The following SLC25A48 variants were observed in gnomAD, a reference collection of about 807,000 sequenced individuals.
SLC25A48 encodes solute carrier family 25 member 48, also known as CTC-321K16.1.
A neutral mutation model predicts 32.2 loss-of-function variants in SLC25A48; 29 were observed. That is an observed-to-expected ratio of 0.90 (90% CI 0.67 to 1.23). SLC25A48 has a LOEUF of 1.23. SLC25A48 is among the 50% of genes most tolerant of loss of function. SLC25A48 has a pLI of 0.00. For synonymous variants in SLC25A48, 164 were observed against 172.3 expected, an observed-to-expected ratio of 0.95 and a Z score of 0.38; for missense variants, 399 against 422.7, an observed-to-expected ratio of 0.94 and a Z score of 0.49.
At chr5:135,745,256 C>G (rs916765569) in intron 3 of SLC25A48, among the ~76,000 whole-genome samples, 2 of 152,246 alleles carry the variant, frequency 1.3e-5, no homozygotes, top group African/African-American at 4.8e-5. Flanking sequence ...AACAAAGGGA[C>G]AGGCTCTGGC....
chr5:135,814,067 C>G (rs543850274), intron 4 of SLC25A48, among the ~76,000 whole-genome samples: 1 of 152,302 alleles, frequency 6.6e-6, no homozygotes, highest in East Asian at 1.9e-4. Context: ...TATTTTCCCC[C>G]CATCATGGAA....
At chr5:135,837,444 G>T (rs186912295) in intron 1 of SLC25A48, among the ~76,000 whole-genome samples, 1 of 152,108 alleles carries the variant, frequency 6.6e-6, no homozygotes, top group Non-Finnish European at 1.5e-5. Flanking sequence ...CAGTGTTCTC[G>T]GGAATTTGTC....
chr5:135,833,725 A>G (rs1758296439), upstream of SLC25A48, among the ~76,000 whole-genome samples: 2 of 151,922 alleles, frequency 1.3e-5, no homozygotes, highest in Non-Finnish European at 2.9e-5. Context: ...CAGGGGAGGG[A>G]GTGATGCTGC....
intron 3 of SLC25A48, among the ~76,000 whole-genome samples, chr5:135,661,631 G>T (rs927774714): frequency 1.3e-5 from 2 of 152,152 alleles, no homozygotes; most frequent in African/African-American, 4.8e-5. Flanking sequence ...TTTTCTCAAG[G>T]AGTAACCACT....
At position 135,768,531 on chromosome 5, in the gene SLC25A48, T is replaced by C. The variant is rs576080267; in HGVS notation, c.-520-43992T>C. The stretch of plus-strand genomic sequence containing the variant: ...CTGGGGGAGGGGAGGATAATATTAC[T>C]CTTAATATCGCAGGGGGTATACACC... On this transcript the variant is annotated intron_variant, in intron 3 of 10. Coordinates refer to the SLC25A48 transcript ENST00000646290. Among the ~76,000 whole-genome samples the C allele has an allele frequency of 1.4e-4, 21 of 151,718 alleles. No individual in the cohort carries two copies. In the South Asian group the frequency reaches 4.4e-3, roughly 32 times the overall value.
chr5:135,752,401 A>G (rs1279446694), intron 3 of SLC25A48, among the ~76,000 whole-genome samples: 1 of 152,132 alleles, frequency 6.6e-6, no homozygotes, highest in African/African-American at 2.4e-5. Flanking sequence ...TGAAACCCCT[A>G]TCTCTACTAA....
intron 3 of SLC25A48, among the ~76,000 whole-genome samples, chr5:135,789,521 G>A (rs1245451455): frequency 6.6e-6 from 1 of 151,482 alleles, no homozygotes; most frequent in Admixed American, 6.6e-5. Context: ...ATATCCAGGA[G>A]GGGAGAGGGT....
chr5:135,767,336 G>A (rs1353493092), intron 3 of SLC25A48, among the ~76,000 whole-genome samples: 2 of 151,912 alleles, frequency 1.3e-5, no homozygotes, highest in Non-Finnish European at 2.9e-5. Context: ...ACACTCGCCT[G>A]TTACATGCTT....
At chr5:135,645,642 C>T (rs1052651798) in intron 3 of SLC25A48, among the ~76,000 whole-genome samples, 2 of 152,190 alleles carry the variant, frequency 1.3e-5, no homozygotes, top group East Asian at 1.9e-4. Context: ...CTCTGCTGCT[C>T]ATGATTGAAA....
At chr5:135,861,765 G>T (rs537214821) in intron 4 of SLC25A48, among the ~76,000 whole-genome samples, 3 of 152,304 alleles carry the variant, frequency 2.0e-5, no homozygotes, top group African/African-American at 7.2e-5. Context: ...GGGATAAGGG[G>T]TGTGGCCATT....
At chr5:135,731,929 G>A (rs1421426553) in intron 3 of SLC25A48, among the ~76,000 whole-genome samples, 6 of 152,242 alleles carry the variant, frequency 3.9e-5, no homozygotes, top group Non-Finnish European at 8.8e-5. Flanking sequence ...AGTTGAGTAC[G>A]GTGAATAGGA....
intron 3 of SLC25A48, among the ~76,000 whole-genome samples, chr5:135,749,284 C>CA (rs141008958): frequency 0.043 from 6,394 of 149,230 alleles, 276 homozygotes; most frequent in African/African-American, 0.11. Context: ...GTGTTCCACA[C>CA]ACAAAAAAAA....
chr5:135,788,618 C>T (rs1756921594), intron 3 of SLC25A48, among the ~76,000 whole-genome samples: 1 of 141,574 alleles, frequency 7.1e-6, no homozygotes, highest in Non-Finnish European at 1.6e-5. Flanking sequence ...ATATCCAGGG[C>T]AGGGAGAGGG....
intron 3 of SLC25A48, among the ~76,000 whole-genome samples, chr5:135,656,050 A>T (rs1580759813): frequency 6.6e-6 from 1 of 152,134 alleles, no homozygotes; most frequent in Non-Finnish European, 1.5e-5. Context: ...TGTGCAGTGC[A>T]TGGGAGAGGA....
chr5:135,781,573 C>T (rs1427155675), intron 3 of SLC25A48, among the ~76,000 whole-genome samples: 1 of 117,248 alleles, frequency 8.5e-6, no homozygotes, highest in Admixed American at 8.7e-5. Context: ...CCCAATATCG[C>T]AGTGGGTGTA....
intron 1 of SLC25A48, among the ~76,000 whole-genome samples, chr5:135,603,287 C>T (rs1751844626): frequency 6.6e-6 from 1 of 152,244 alleles, no homozygotes; most frequent in African/African-American, 2.4e-5. Context: ...ACACCAGCTC[C>T]CAAACCCTGC....
intron 1 of SLC25A48, among the ~76,000 whole-genome samples, chr5:135,837,768 C>T (rs1758655570): frequency 6.6e-6 from 1 of 152,210 alleles, no homozygotes. Context: ...TATTGTGTGG[C>T]CTCCCCAGCC....
intron 3 of SLC25A48, among the ~76,000 whole-genome samples, chr5:135,685,032 G>T (rs923356582): frequency 4.6e-5 from 7 of 152,166 alleles, no homozygotes; most frequent in African/African-American, 1.7e-4. Flanking sequence ...AGCAGTGTAT[G>T]AGCTTGTCTG....
At chr5:135,788,927 G>T (rs891854496) in intron 3 of SLC25A48, among the ~76,000 whole-genome samples, 2 of 149,542 alleles carry the variant, frequency 1.3e-5, no homozygotes, top group African/African-American at 4.9e-5. Context: ...CGTAATATCC[G>T]GGGGGAAGAG....
Sources: allele counts gnomAD v4.1 joint callset (sites outside exome capture counted in the v4.1 genomes callset), GRCh38; gene constraint gnomAD v4.1.1; transcripts MANE v1.5; gene names NCBI Gene and HGNC (gene_info 2026-07-23, HGNC 2026-07-21).